Variants in PCLAF observed in about 807,000 individuals in gnomAD.
The protein encoded by PCLAF is PCNA-associated factor.
Under a neutral mutation model 15.1 loss-of-function variants are expected in PCLAF, and 12 were observed. The ratio of observed to expected loss-of-function variants is 0.79; its 90% CI spans 0.51 to 1.29. The LOEUF (loss-of-function observed/expected upper bound fraction) is 1.29. Among genes scored for constraint, PCLAF ranks in the 50% most tolerant of loss-of-function variants. PCLAF has a pLI of 0.00. For missense variants in PCLAF, 116 were observed against 130.9 expected, an observed-to-expected ratio of 0.89 and a Z score of 0.56; for synonymous variants, 33 against 47.1, an observed-to-expected ratio of 0.70 and a Z score of 1.22.
chr15:64,376,735 A>G lies in PCLAF; in HGVS notation c.290+8T>C. 6.2e-7 allele frequency: 1 copy of G among 1,606,456 alleles called. No individual in the cohort carries two copies. Among genetic ancestry groups the G allele is most frequent in the Non-Finnish European group, 8.5e-7 (1 of 1,175,842 alleles). On this transcript the variant is annotated splice_region_variant and intron_variant, in intron 3 of 3. Transcript: ENST00000300035. ...ATTTTCTTTATATTCCAGAATATAA[A>G]AACTTACTTTCTCTTTGCTTTTCCT...
At chr15:64,366,121 G>A (rs370320577) in intron 3 of PCLAF, 46 bp from the exon 4 acceptor site, 1 of 1,475,092 alleles carries the variant, frequency 6.8e-7, no homozygotes, top group Non-Finnish European at 9.3e-7. Flanking sequence ...AGTATCAACT[G>A]TTTGAAAAAA....
rs1317726898 is a variant in PCLAF, at chr15:64,387,676, G to A, written n.12C>T. The A allele has an allele frequency of 6.4e-6, 9 of 1,410,656 alleles. No homozygotes were observed. The East Asian group carries it at 1.3e-4, about 20-fold the overall frequency. The allele number at this position is 1,410,656 out of a possible 1,614,324, so 87.4% of individuals were successfully genotyped here. On this transcript the variant is annotated non_coding_transcript_exon_variant, in exon 1 of 2. Coordinates refer to the PCLAF transcript ENST00000558250. The stretch of plus-strand genomic sequence containing the variant: ...AGAGCTCGACTCCGGAGGGCACAAG[G>A]AAGTAGACAACAAAGCAGGAAGAAG...
intron 3 of PCLAF, among the ~76,000 whole-genome samples, chr15:64,366,967 T>TG (rs1293383266): frequency 1.4e-5 from 2 of 138,584 alleles, no homozygotes; most frequent in African/African-American, 5.3e-5. Flanking sequence ...AGAGCCTGTC[T>TG]AAAAAAAAAA....
intron 3 of PCLAF, among the ~76,000 whole-genome samples, chr15:64,371,329 G>A (rs574321925): frequency 2.0e-5 from 3 of 151,072 alleles, no homozygotes; most frequent in African/African-American, 7.3e-5. Context: ...GCAGTAGCGC[G>A]ATCTCAGCTC....
intron 3 of PCLAF, 126 bp from the exon 4 acceptor site, chr15:64,366,201 A>G (rs1259740018): frequency 1.9e-5 from 10 of 518,198 alleles, no homozygotes; most frequent in Non-Finnish European, 2.9e-5. Context: ...ATGACTAGAA[A>G]TGAAAGAAAA....
exon 1 of PCLAF, chr15:64,387,516 T>G (rs1422409373): frequency 7.7e-6 from 10 of 1,306,916 alleles, no homozygotes; most frequent in Middle Eastern, 2.1e-4. Context: ...AGCTGGCCTC[T>G]CAGCTTTCCG....
intron 3 of PCLAF, among the ~76,000 whole-genome samples, chr15:64,370,263 T>G (rs2414850): frequency 0.82 from 121,321 of 148,620 alleles, 50,274 homozygotes; most frequent in East Asian, 0.95. Flanking sequence ...TTTTTTTTTT[T>G]TGTGTAGAGA....
At position 64,370,829 on chromosome 15, in the gene PCLAF, GTTTTT is replaced by G. The variant is rs10607183; in HGVS notation, c.291-4759_291-4755del. Among the ~76,000 whole-genome samples the G allele has an allele frequency of 1.3e-3, 115 of 85,790 alleles. 2 individuals are homozygous for G. Among genetic ancestry groups the G allele is most frequent in the East Asian group, 0.012 (36 of 3,000 alleles). The allele number at this position is 85,790 out of a possible 152,430, so 56.3% of individuals were successfully genotyped here. ...TGTAGCTACTCAGACTCATAAAGTT[GTTTTT>G]TTTTTTTTTTTTTTTTTTTTTTAAG... is the stretch of plus-strand genomic sequence containing the variant. On this transcript the variant is annotated intron_variant, in intron 3 of 3. Coordinates refer to ENST00000300035, the MANE Select transcript of PCLAF (RefSeq NM_014736.6).
chr15:64,368,483 G>C (rs1899143033), intron 3 of PCLAF, among the ~76,000 whole-genome samples: 1 of 152,128 alleles, frequency 6.6e-6, no homozygotes, highest in Non-Finnish European at 1.5e-5. Flanking sequence ...TCATAACTCT[G>C]TTAAAGGTTT....
rs187410301 is a variant in PCLAF, at chr15:64,381,066, C to G, written c.47-28G>C. 3.7e-5 allele frequency: 59 copies of G among 1,608,306 alleles called. No homozygotes were observed. The Admixed American group carries it at 9.7e-4, about 26-fold the overall frequency. On this transcript the variant is annotated intron_variant, in intron 1 of 3. Transcript: ENST00000300035. ...GTGAAGAGAGGCAAAAAAGGGTGTT[C>G]AGAAGGGGCAGGAGGGTTCCGACAC...
At chr15:64,368,160 A>G (rs59023789) in intron 3 of PCLAF, among the ~76,000 whole-genome samples, 1 of 151,822 alleles carries the variant, frequency 6.6e-6, no homozygotes, top group East Asian at 2.0e-4. Flanking sequence ...TAGCCAACAT[A>G]ATGAAACCCT....
chr15:64,379,350 G>T (rs1000052251), intron 2 of PCLAF, among the ~76,000 whole-genome samples: 27 of 152,030 alleles, frequency 1.8e-4, no homozygotes, highest in Admixed American at 1.4e-3. Flanking sequence ...GTGGTGGCAT[G>T]CGCCTACAGT....
intron 2 of PCLAF, among the ~76,000 whole-genome samples, chr15:64,378,448 T>C (rs148639011): frequency 2.4e-3 from 371 of 152,272 alleles, no homozygotes; most frequent in African/African-American, 8.5e-3. Flanking sequence ...TTTACATTTA[T>C]AAAAATAGCA....
chr15:64,385,994 T>A (rs1163585096), upstream of PCLAF, among the ~76,000 whole-genome samples: 1 of 152,032 alleles, frequency 6.6e-6, no homozygotes. Flanking sequence ...GTCTTTTCAG[T>A]CTCCATAATT....
At position 64,365,964 on chromosome 15, in the gene PCLAF, G is replaced by A. The variant is rs751594457; in HGVS notation, c.*66C>T. ...AGCTAATTGGAACAAACACATTTAT[G>A]TAAATTTACATTCTAGAATACCAGG... On this transcript the variant is annotated 3_prime_UTR_variant, in exon 4 of 4. Transcript: ENST00000300035. The A allele has an allele frequency of 3.0e-6, 4 of 1,323,012 alleles. No homozygotes were observed. The East Asian group carries it at 9.3e-5, about 31-fold the overall frequency. The allele number at this position is 1,323,012 out of a possible 1,614,324, so 82.0% of individuals were successfully genotyped here. A position where few individuals can be genotyped will look rare whatever the true frequency, so the allele number is the denominator to read the frequency against.
At chr15:64,374,033 G>A (rs955083275) in intron 3 of PCLAF, among the ~76,000 whole-genome samples, 1 of 151,654 alleles carries the variant, frequency 6.6e-6, no homozygotes, top group East Asian at 1.9e-4. Flanking sequence ...TAAAAGTGAT[G>A]CAAATTTTTT....
At chr15:64,373,993 A>G (rs553850679) in intron 3 of PCLAF, among the ~76,000 whole-genome samples, 1 of 152,130 alleles carries the variant, frequency 6.6e-6, no homozygotes, top group Non-Finnish European at 1.5e-5. Flanking sequence ...TTTCTGTCCC[A>G]TATGACCTTC....
intron 2 of PCLAF, among the ~76,000 whole-genome samples, chr15:64,377,694 T>C (rs1259564337): frequency 4.8e-5 from 7 of 146,798 alleles, no homozygotes; most frequent in Non-Finnish European, 1.0e-4. Flanking sequence ...TAGATTCCAT[T>C]TTTCAAAGCA....
intron 3 of PCLAF, among the ~76,000 whole-genome samples, chr15:64,375,861 G>T (rs1899586325): frequency 6.6e-6 from 1 of 152,190 alleles, no homozygotes; most frequent in Non-Finnish European, 1.5e-5. Context: ...TAATGACATA[G>T]CACTTATGTG....
Sources: gnomAD v4.1 joint callset for allele counts (sites outside exome capture counted in the v4.1 genomes callset) on GRCh38, gnomAD v4.1.1 for gene constraint, MANE v1.5 for transcripts, NCBI Gene and HGNC (gene_info 2026-07-23, HGNC 2026-07-21) for gene names.